PLEKHH1: variants seen among roughly 807,000 people sequenced by gnomAD.
PLEKHH1 encodes pleckstrin homology, MyTH4 and FERM domain containing H1, also known as pleckstrin homology domain-containing family H member 1.
In PLEKHH1, 104 loss-of-function variants were observed where a neutral mutation model predicts 160.0. The ratio of observed to expected loss-of-function variants is 0.65; its 90% CI spans 0.55 to 0.76. The LOEUF (loss-of-function observed/expected upper bound fraction) is 0.76, where lower values mean the gene tolerates loss of function less well. Ranked by LOEUF, PLEKHH1 falls within the 30% of genes least tolerant of loss-of-function variation. The pLI is 0.00. For missense variants in PLEKHH1, 1,427 were observed against 1,724.1 expected (o/e 0.83, Z 3.05); for synonymous variants, 619 against 678.4 (o/e 0.91, Z 1.36).
At chr14:67,569,842 C>A in intron 8 of PLEKHH1, 79 bp from the exon 9 acceptor site, 1 of 871,662 alleles carries the variant, frequency 1.1e-6, no homozygotes, top group Non-Finnish European at 1.9e-6. Context: ...GGAATGCCAT[C>A]TGCCCAGTTC....
chr14:67,571,681 T>G, intron 9 of PLEKHH1, 71 bp from the exon 10 acceptor site: 1 of 1,518,130 alleles, frequency 6.6e-7, no homozygotes. Flanking sequence ...GGACCAGGAG[T>G]GCAAGCTGCA....
At chr14:67,557,206 A>T in intron 3 of PLEKHH1, 63 bp from the exon 4 acceptor site, 1 of 1,434,258 alleles carries the variant, frequency 7.0e-7, no homozygotes, top group Non-Finnish European at 9.7e-7. Context: ...ATCCCACGTT[A>T]CTGGCCACTG....
intron 4 of PLEKHH1, among the ~76,000 whole-genome samples, chr14:67,559,293 C>T (rs1326741301): frequency 6.6e-6 from 1 of 152,168 alleles, no homozygotes; most frequent in African/African-American, 2.4e-5. Flanking sequence ...CTCTCTCTCC[C>T]TCCCCAGTCC....
intron 1 of PLEKHH1, among the ~76,000 whole-genome samples, chr14:67,540,647 A>G (rs2033929507): frequency 6.6e-6 from 1 of 151,654 alleles, no homozygotes; most frequent in Admixed American, 6.6e-5. Context: ...AAAAATTATC[A>G]CCCTAAAAAA....
rs2033984721 is a variant in PLEKHH1, at chr14:67,541,982, C to G, written c.115C>G (p.Leu39Val). 6.2e-7 allele frequency: 1 copy of G among 1,605,982 alleles called. No individual in the cohort carries two copies. Among genetic ancestry groups the G allele is most frequent in the Non-Finnish European group, 8.5e-7 (1 of 1,176,578 alleles). The change falls in exon 2 of 29, where the codon CTG becomes GTG. Residue 39 changes from leucine to valine, a missense_variant. Around this residue, in one of 6 missense-constraint regions of PLEKHH1, gnomAD observed 831 missense variants for 929.2 expected, o/e 0.89. Coordinates refer to ENST00000329153, the MANE Select transcript of PLEKHH1 (RefSeq NM_020715.3). ...ACAGGCCAGCAAGATAAGGGAGCTG[C>G]TGGCTGACAAGGTGAGTCCCTCAGA... ...RLQASKIREL[L>V]ADKMQELEQR...
Position 67,573,922 on chromosome 14 carries a change from G to A in PLEKHH1, c.1926+35G>A. 1 of 1,490,804 alleles carries A rather than the reference G, an allele frequency of 6.7e-7. No homozygotes were observed. The highest frequency in any genetic ancestry group is 9.4e-7 in the Non-Finnish European group (1 of 1,067,134). The allele number at this position is 1,490,804 out of a possible 1,614,324, so 92.3% of individuals were successfully genotyped here. A position where few individuals can be genotyped will look rare whatever the true frequency, so the allele number is the denominator to read the frequency against. ...CTCCTGGCTGCTAGTATTTTAAACA[G>A]AAGAGGTGCTGGGTTTGGATATGGC... On this transcript the variant is annotated intron_variant, in intron 13 of 28. Transcript: ENST00000329153. The surrounding 1 kb of genome is among the most constrained non-coding windows in gnomAD (Gnocchi z 4.8).
In PLEKHH1 at chr14:67,578,848, T is replaced by C. The variant is rs1013050281; in HGVS notation, c.2849+217T>C. The stretch of plus-strand genomic sequence containing the variant: ...GCACGCCAATCCATGTATCCACGGA[T>C]GTACTGTGGCAACTCTCACATGAAG... On this transcript the variant is annotated intron_variant, in intron 20 of 28. Coordinates refer to ENST00000329153, the MANE Select transcript of PLEKHH1 (RefSeq NM_020715.3). The surrounding 1 kb of genome is among the most constrained non-coding windows in gnomAD (Gnocchi z 5.0). Among the ~76,000 whole-genome samples, 2 of 152,234 alleles carry C rather than the reference T, an allele frequency of 1.3e-5. No homozygotes were observed. The highest frequency in any genetic ancestry group is 2.9e-5 in the Non-Finnish European group (2 of 68,050).
chr14:67,559,703 A>G lies in PLEKHH1; in HGVS notation c.423+12A>G, dbSNP rs536368085. ...TCAAGTTGGCAAAGGTGGGTTGGAA[A>G]CTCATCTTGGAGGCCTGCCAGAGGC... On this transcript the variant is annotated intron_variant, in intron 5 of 28. Transcript: ENST00000329153. 6.3e-6 allele frequency: 10 copies of G among 1,581,926 alleles called. No homozygotes were observed. The highest frequency in any genetic ancestry group is 5.7e-5 in the South Asian group (5 of 87,354).
intron 1 of PLEKHH1, among the ~76,000 whole-genome samples, chr14:67,537,026 C>T (rs936029024): frequency 1.3e-5 from 2 of 149,612 alleles, no homozygotes; most frequent in African/African-American, 2.5e-5. Context: ...GGTGACAGAG[C>T]GAGACTCCAT....
intron 8 of PLEKHH1, 176 bp from the exon 9 acceptor site, chr14:67,569,745 A>G: frequency 3.3e-6 from 2 of 612,624 alleles, no homozygotes; most frequent in Non-Finnish European, 5.9e-6. Context: ...CCACATGGAG[A>G]TCATGGTCCC....
intron 7 of PLEKHH1, among the ~76,000 whole-genome samples, chr14:67,564,539 C>A (rs2034994398): frequency 6.6e-6 from 1 of 152,070 alleles, no homozygotes. Flanking sequence ...CTCACTGCAA[C>A]CTCTGCCTCC....
Position 67,562,158 on chromosome 14 carries a change from G to T in PLEKHH1, c.527G>T (p.Arg176Leu). Residue 176 changes from arginine (R) to leucine (L), a missense_variant, in exon 7 of 29, where the codon CGG becomes CTG. Physicochemically the swap from Arg to Leu is moderately radical, Grantham distance 102. This residue lies in a region of PLEKHH1 where 831 missense variants were observed against 929.2 expected (regional missense o/e 0.89). Transcript: ENST00000329153. ...ALEAIQIAPS[R>L]KLLVPPYGAA... ...ACAGCTATTCAGATAGCTCCTTCAC[G>T]GAAGCTGCTGGTGCCCCCCTACGGA... 6 of 1,611,078 alleles carry T rather than the reference G, an allele frequency of 3.7e-6. No individual in the cohort carries two copies. Among genetic ancestry groups the T allele is most frequent in the Non-Finnish European group, 4.2e-6 (5 of 1,178,112 alleles).
chr14:67,583,644 G>A, intron 24 of PLEKHH1, 97 bp from the exon 25 acceptor site: 5 of 850,256 alleles, frequency 5.9e-6, no homozygotes, highest in Middle Eastern at 2.4e-4. Context: ...CCACCAATAG[G>A]GTAATAAAGA....
chr14:67,580,873 C>A, intron 22 of PLEKHH1, 65 bp from the exon 23 acceptor site: 1 of 1,053,622 alleles, frequency 9.5e-7, no homozygotes, highest in Admixed American at 1.7e-5. Context: ...CCAGCCCTGG[C>A]TGGACCTTGA....
chr14:67,534,309 T>G (rs974992223), intron 1 of PLEKHH1, among the ~76,000 whole-genome samples: 1 of 152,172 alleles, frequency 6.6e-6, no homozygotes, highest in Non-Finnish European at 1.5e-5. Context: ...CCAGTTGCAG[T>G]GGCTTATGCC....
chr14:67,562,291 A>G lies in PLEKHH1; in HGVS notation c.660A>G (p.Pro220=). The G allele has an allele frequency of 6.2e-7, 1 of 1,613,848 alleles. No individual in the cohort carries two copies. Among genetic ancestry groups the G allele is most frequent in the Non-Finnish European group, 8.5e-7 (1 of 1,179,836 alleles). ...GLKAAVLAPS[P]GALQSKDSVS... ...AGGCAGCTGTGCTTGCACCTTCCCC[A>G]GGTGCCCTGCAGAGCAAGGACTCTG... The change falls in exon 7 of 29, where the codon CCA becomes CCG. Residue 220 remains proline (P), a synonymous_variant. Coordinates refer to ENST00000329153, the MANE Select transcript of PLEKHH1 (RefSeq NM_020715.3).
Position 67,576,409 on chromosome 14 carries a change from C to T in PLEKHH1, c.2367C>T (p.Tyr789=). ...CCCTCTTCCAGGATACGTGGCTCTACCACCTCACAGTGGCTGCAGGTGGCA... is the reference window on the plus strand; with the variant it reads ...CCCTCTTCCAGGATACGTGGCTCTATCACCTCACAGTGGCTGCAGGTGGCA... ...GTKHEKDTWL[Y]HLTVAAGGSS... is the part of the protein sequence containing the mutation. The change falls in exon 17 of 29, where the codon TAC becomes TAT. Residue 789 remains tyrosine (Y), a synonymous_variant. Transcript: ENST00000329153. The surrounding 1 kb of genome is among the most constrained non-coding windows in gnomAD (Gnocchi z 4.0). The T allele has an allele frequency of 1.2e-6, 2 of 1,604,050 alleles. No individual in the cohort carries two copies. Among genetic ancestry groups the T allele is most frequent in the Non-Finnish European group, 1.7e-6 (2 of 1,171,316 alleles).
rs780209693 is a variant in PLEKHH1 at position 67,555,890 on chromosome 14, A to T, written c.189+3A>T. ...GAGCAGAGAACGCTGAGACCCAGGT[A>T]ACCAGGGGAGGGGATCGGCGGGAAT... On this transcript the variant is annotated splice_donor_region_variant and intron_variant, in intron 3 of 28. Transcript: ENST00000329153. 4.3e-6 allele frequency: 7 copies of T among 1,613,376 alleles called. No individual in the cohort carries two copies. Among genetic ancestry groups the T allele is most frequent in the Non-Finnish European group, 5.9e-6 (7 of 1,179,626 alleles).
intron 2 of PLEKHH1, among the ~76,000 whole-genome samples, chr14:67,543,973 G>A (rs1018970306): frequency 3.9e-5 from 6 of 152,152 alleles, no homozygotes; most frequent in Non-Finnish European, 5.9e-5. Context: ...GGCCTCCCTA[G>A]AGTAATGTAA....
Sources: gnomAD v4.1 joint callset for allele counts (sites outside exome capture counted in the v4.1 genomes callset) on GRCh38, gnomAD v4.1.1 for gene constraint, gnomAD v4.1.1 regional missense constraint, Gnocchi (gnomAD v3.1) non-coding constraint, MANE v1.5 for transcripts, NCBI Gene and HGNC (gene_info 2026-07-23, HGNC 2026-07-21) for gene names.